The following ST18 variants were observed in gnomAD, a reference collection of about 807,000 sequenced individuals.
ST18 encodes ST18 C2H2C-type zinc finger transcription factor.
In ST18, 50 loss-of-function variants were observed where a neutral mutation model predicts 110.0. The observed-to-expected ratio is 0.45, with a 90% CI of 0.36 to 0.58. The LOEUF is 0.58. Ranked by LOEUF, ST18 falls within the 20% of genes least tolerant of loss-of-function variation. ST18 has a pLI of 0.00. For missense variants in ST18, 1,306 were observed against 1,280.1 expected, an observed-to-expected ratio of 1.02 and a Z score of -0.31; for synonymous variants, 461 against 452.4, an observed-to-expected ratio of 1.02 and a Z score of -0.24.
At chr8:52,241,944 T>C (rs535249778) in intron 2 of ST18, among the ~76,000 whole-genome samples, 3 of 152,142 alleles carry the variant, frequency 2.0e-5, no homozygotes, top group Non-Finnish European at 2.9e-5. Context: ...TTCTTTTACA[T>C]AGACAAACAT....
At chr8:52,322,131 G>A (rs1448460187) in intron 2 of ST18, among the ~76,000 whole-genome samples, 4 of 152,156 alleles carry the variant, frequency 2.6e-5, no homozygotes, top group Non-Finnish European at 5.9e-5. Context: ...AGGGTTCTTT[G>A]AAATTTTTGG....
intron 2 of ST18, among the ~76,000 whole-genome samples, chr8:52,365,383 C>G (rs1176527159): frequency 6.6e-6 from 1 of 151,982 alleles, no homozygotes; most frequent in East Asian, 1.9e-4. Flanking sequence ...GCAGACCACC[C>G]TGAAAACGGA....
intron 2 of ST18, among the ~76,000 whole-genome samples, chr8:52,399,963 T>A (rs4873638): frequency 0.62 from 94,075 of 151,900 alleles, 31,669 homozygotes; most frequent in Non-Finnish European, 0.74. Flanking sequence ...TGTTTCCTTA[T>A]TAATTTTATG....
At chr8:52,286,709 C>T (rs773601779) in intron 2 of ST18, among the ~76,000 whole-genome samples, 4 of 151,352 alleles carry the variant, frequency 2.6e-5, no homozygotes, top group Non-Finnish European at 4.4e-5. Context: ...TTATGTCTGA[C>T]TCAACAATTC....
At chr8:52,256,728 A>C (rs1323454982) in intron 2 of ST18, among the ~76,000 whole-genome samples, 2 of 152,208 alleles carry the variant, frequency 1.3e-5, no homozygotes, top group Non-Finnish European at 2.9e-5. Context: ...GACTTTAATG[A>C]ATATCATTAT....
chr8:52,294,771 A>G (rs2095606333), intron 2 of ST18, among the ~76,000 whole-genome samples: 2 of 152,332 alleles, frequency 1.3e-5, no homozygotes, highest in Admixed American at 1.3e-4. Context: ...ATTTGTCTCT[A>G]TACTTCGTCC....
At chr8:52,213,188 A>T (rs1291595996) in intron 7 of ST18, among the ~76,000 whole-genome samples, 1 of 152,182 alleles carries the variant, frequency 6.6e-6, no homozygotes, top group Non-Finnish European at 1.5e-5. Flanking sequence ...TGAGCACAGC[A>T]TTATTCTGCA....
intron 11 of ST18, 121 bp downstream of exon 11, chr8:52,166,731 G>T (rs1383254774): frequency 7.6e-7 from 1 of 1,311,356 alleles, no homozygotes; most frequent in Non-Finnish European, 1.0e-6. Context: ...GATGGAATTG[G>T]CTTGACATAG....
chr8:52,364,857 C>T (rs1827197040), intron 2 of ST18, among the ~76,000 whole-genome samples: 1 of 152,114 alleles, frequency 6.6e-6, no homozygotes, highest in South Asian at 2.1e-4. Flanking sequence ...CACCTGTAAT[C>T]CCAGCACTTT....
chr8:52,171,608 T>G lies in ST18; in HGVS notation c.1069+184A>C. 4.1e-6 allele frequency: 3 copies of G among 734,020 alleles called. No homozygotes were observed. The East Asian group carries it at 8.4e-5, about 21-fold the overall frequency. The allele number at this position is 734,020 out of a possible 1,614,324, so 45.5% of individuals were successfully genotyped here. A position where few individuals can be genotyped will look rare whatever the true frequency, so the allele number is the denominator to read the frequency against. On this transcript the variant is annotated intron_variant, in intron 10 of 25. Coordinates refer to ENST00000689386, the MANE Select transcript of ST18 (RefSeq NM_001352837.2). Reference sequence around the variant, plus strand: ...GAAAATAGTCCAAAATTAACACAGCTTGATTGGAGGATAATCTAGAGAGTG... The same window carrying G: ...GAAAATAGTCCAAAATTAACACAGCGTGATTGGAGGATAATCTAGAGAGTG...
intron 2 of ST18, among the ~76,000 whole-genome samples, chr8:52,340,861 G>A (rs572403883): frequency 9.5e-4 from 145 of 152,312 alleles, no homozygotes; most frequent in African/African-American, 3.4e-3. Context: ...AGTGCCTGCA[G>A]TGAACCTTAG....
rs377636041 is a variant in ST18, at chr8:52,332,023, T to C, written c.-465+77305A>G. Among the ~76,000 whole-genome samples, 45 of 152,252 alleles carry C rather than the reference T, an allele frequency of 3.0e-4. No individual in the cohort carries two copies. In the East Asian group the frequency reaches 4.6e-3, roughly 16 times the overall value. ...AAATATATATTTATTCAAGTGTGTA[T>C]GTATATATACATATAAAACAAATAT... On this transcript the variant is annotated intron_variant, in intron 2 of 25. Transcript: ENST00000689386.
chr8:52,404,351 A>G (rs924415507), intron 2 of ST18: 2 of 152,172 alleles, frequency 1.3e-5, no homozygotes, highest in African/African-American at 4.8e-5. Flanking sequence ...GGGCTCAGGT[A>G]TTTGTTGGGA....
intron 2 of ST18, among the ~76,000 whole-genome samples, chr8:52,383,352 A>G (rs1227304760): frequency 1.3e-5 from 2 of 152,230 alleles, no homozygotes; most frequent in Non-Finnish European, 1.5e-5. Context: ...CTGAGTTCTG[A>G]TAAATATATA....
chr8:52,201,760 G>GCC (rs1564026897), intron 8 of ST18, among the ~76,000 whole-genome samples: 4 of 152,156 alleles, frequency 2.6e-5, no homozygotes, highest in African/African-American at 7.2e-5. Flanking sequence ...CTGAGACCAC[G>GCC]CCCGTCCTCA....
chr8:52,284,039 C>T (rs1000344202), intron 2 of ST18, among the ~76,000 whole-genome samples: 6 of 152,132 alleles, frequency 3.9e-5, no homozygotes, highest in African/African-American at 1.4e-4. Flanking sequence ...GCACTTTAAT[C>T]GGCATTGGTA....
intron 23 of ST18, among the ~76,000 whole-genome samples, chr8:52,119,741 C>A (rs7015913): frequency 0.27 from 40,524 of 151,782 alleles, 5,666 homozygotes; most frequent in East Asian, 0.44. Context: ...TAATTTAGTG[C>A]GAAGAGAAAA....
intron 17 of ST18, 199 bp from the exon 18 acceptor site, chr8:52,137,682 A>AT: frequency 2.0e-6 from 1 of 511,044 alleles, no homozygotes; most frequent in Non-Finnish European, 3.4e-6. Flanking sequence ...AAATCATAGC[A>AT]TGATGAGTTA....
chr8:52,368,262 T>G (rs1216474916), intron 2 of ST18, among the ~76,000 whole-genome samples: 1 of 152,226 alleles, frequency 6.6e-6, no homozygotes, highest in Non-Finnish European at 1.5e-5. Context: ...TCATAAAAAC[T>G]GCTGTTTAAT....
Sources: gnomAD v4.1 joint callset for allele counts (sites outside exome capture counted in the v4.1 genomes callset) on GRCh38, gnomAD v4.1.1 for gene constraint, MANE v1.5 for transcripts, NCBI Gene and HGNC (gene_info 2026-07-23, HGNC 2026-07-21) for gene names.